GNAO1: variants seen among roughly 807,000 people sequenced by gnomAD.
GNAO1 encodes the protein G protein subunit alpha o1.
For missense variants in GNAO1, 166 were observed against 478.7 expected, an observed-to-expected ratio of 0.35 and a Z score of 6.10; for synonymous variants, 164 against 180.7, an observed-to-expected ratio of 0.91 and a Z score of 0.74.
At chr16:56,228,172 T>G (rs2036550920) in intron 2 of GNAO1, among the ~76,000 whole-genome samples, 1 of 152,192 alleles carries the variant, frequency 6.6e-6, no homozygotes, top group African/African-American at 2.4e-5. Context: ...TGCATCCATC[T>G]GCCTCCGTCT....
chr16:56,257,820 G>C (rs968448334), intron 2 of GNAO1, among the ~76,000 whole-genome samples: 4 of 152,226 alleles, frequency 2.6e-5, no homozygotes, highest in Non-Finnish European at 5.9e-5. Flanking sequence ...AACAGGGCCA[G>C]CAGGCTGGTA....
At chr16:56,278,212 G>T (rs576466769) in intron 3 of GNAO1, among the ~76,000 whole-genome samples, 16 of 152,312 alleles carry the variant, frequency 1.1e-4, no homozygotes, top group Middle Eastern at 3.4e-3. Flanking sequence ...GGACTCCCTG[G>T]AGAGTCCACT....
At chr16:56,280,603 A>G (rs1394772573) in intron 3 of GNAO1, among the ~76,000 whole-genome samples, 1 of 152,014 alleles carries the variant, frequency 6.6e-6, no homozygotes, top group East Asian at 1.9e-4. Context: ...TGGCAGGGGG[A>G]GACTAAAGAT....
At chr16:56,328,201 A>G (rs2037654716) in intron 3 of GNAO1, among the ~76,000 whole-genome samples, 1 of 152,206 alleles carries the variant, frequency 6.6e-6, no homozygotes, top group Admixed American at 6.5e-5. Flanking sequence ...CTCAGCCAAG[A>G]ACATTGATTT....
chr16:56,191,573 G>C lies in GNAO1; in HGVS notation c.-663G>C, dbSNP rs1281774173. On this transcript the variant is annotated 5_prime_UTR_variant, in exon 1 of 9. Coordinates refer to ENST00000262493, the MANE Select transcript of GNAO1 (RefSeq NM_020988.3). The surrounding 1 kb of genome is among the most constrained non-coding windows in gnomAD (Gnocchi z 4.7). ...CTCCGGTAGGCTCACCGAGCGATGC[G>C]AGCTCTGGGAGACAGCGACGCCGCC... is the stretch of plus-strand genomic sequence containing the variant. 1.3e-5 allele frequency: 2 copies of C among 151,676 alleles called. No homozygotes were observed. Among genetic ancestry groups the C allele is most frequent in the African/African-American group, 4.9e-5 (2 of 41,122 alleles). The allele number at this position is 151,676 out of a possible 1,614,324, so 9.4% of individuals were successfully genotyped here. A position where few individuals can be genotyped will look rare whatever the true frequency, so the allele number is the denominator to read the frequency against.
intron 2 of GNAO1, among the ~76,000 whole-genome samples, chr16:56,261,977 G>T (rs1463914541): frequency 6.6e-6 from 1 of 152,192 alleles, no homozygotes; most frequent in South Asian, 2.1e-4. Flanking sequence ...TAGCCTAGGG[G>T]TACACTAGCT....
chr16:56,275,322 T>C (rs2037052122), intron 2 of GNAO1, among the ~76,000 whole-genome samples: 1 of 152,216 alleles, frequency 6.6e-6, no homozygotes, highest in East Asian at 1.9e-4. Context: ...TGATGTCCCC[T>C]TTATGTCTTC....
At position 56,218,134 on chromosome 16, in the gene GNAO1, C is replaced by A. The variant is rs145742332; in HGVS notation, c.161+25518C>A. On this transcript the variant is annotated intron_variant, in intron 2 of 8. Coordinates refer to ENST00000262493, the MANE Select transcript of GNAO1 (RefSeq NM_020988.3). ...AATAATTATGAAGCTGTGCCTAGCC[C>A]CAGGTGGGCGAGAGATCCTCTCAAA... is the stretch of plus-strand genomic sequence containing the variant. Among the ~76,000 whole-genome samples, 22 of 152,312 alleles carry A rather than the reference C, an allele frequency of 1.4e-4. No homozygotes were observed. In the South Asian group the frequency reaches 1.9e-3, roughly 13 times the overall value.
At chr16:56,208,615 A>G (rs1273102712) in intron 2 of GNAO1, among the ~76,000 whole-genome samples, 1 of 152,168 alleles carries the variant, frequency 6.6e-6, no homozygotes. Flanking sequence ...AATTTCTGTT[A>G]TTATAAATTC....
intron 2 of GNAO1, among the ~76,000 whole-genome samples, chr16:56,252,021 G>C (rs894106614): frequency 2.0e-5 from 3 of 152,172 alleles, no homozygotes; most frequent in Non-Finnish European, 4.4e-5. Flanking sequence ...TTTGCCTCCA[G>C]AAGGAGCTAT....
chr16:56,261,633 G>T (rs1326364572), intron 2 of GNAO1, among the ~76,000 whole-genome samples: 1 of 152,188 alleles, frequency 6.6e-6, no homozygotes, highest in Non-Finnish European at 1.5e-5. Flanking sequence ...GGAGTCGGGG[G>T]AGGAGTGGAC....
At chr16:56,332,183 C>T (rs986085543) in intron 4 of GNAO1, among the ~76,000 whole-genome samples, 3 of 152,176 alleles carry the variant, frequency 2.0e-5, no homozygotes, top group Admixed American at 6.5e-5. Flanking sequence ...CCAGAACCCT[C>T]GAGGGGCTCC....
intron 6 of GNAO1, among the ~76,000 whole-genome samples, chr16:56,342,730 G>C (rs1402649713): frequency 7.2e-5 from 11 of 152,350 alleles, no homozygotes; most frequent in African/African-American, 2.6e-4. Context: ...CACCCACAGG[G>C]TGTGCATCGA....
intron 2 of GNAO1, among the ~76,000 whole-genome samples, chr16:56,200,798 A>G (rs2036275827): frequency 6.6e-6 from 1 of 152,198 alleles, no homozygotes; most frequent in South Asian, 2.1e-4. Context: ...AGTAATGGTC[A>G]TCATATATCA....
intron 3 of GNAO1, among the ~76,000 whole-genome samples, chr16:56,286,377 C>T (rs202185292): frequency 6.6e-6 from 1 of 152,082 alleles, no homozygotes; most frequent in Non-Finnish European, 1.5e-5. Flanking sequence ...CTTATTCAAA[C>T]AAAATAAAAC....
intron 2 of GNAO1, among the ~76,000 whole-genome samples, chr16:56,194,815 C>G (rs1398317952): frequency 6.6e-6 from 1 of 152,194 alleles, no homozygotes; most frequent in African/African-American, 2.4e-5. Flanking sequence ...TATACTGAAT[C>G]CCCCAAAGGG....
At chr16:56,275,669 G>A (rs1322213659) in intron 2 of GNAO1, among the ~76,000 whole-genome samples, 2 of 152,214 alleles carry the variant, frequency 1.3e-5, no homozygotes, top group African/African-American at 4.8e-5. Flanking sequence ...GTACTTTCAA[G>A]TATTATCACA....
intron 2 of GNAO1, chr16:56,235,443 C>T: frequency 1.3e-5 from 6 of 455,504 alleles, no homozygotes; most frequent in South Asian, 9.3e-5. Flanking sequence ...AGGCAAGGGG[C>T]TCTGCTGCTG....
chr16:56,342,154 G>T (rs2037811816), intron 6 of GNAO1, among the ~76,000 whole-genome samples: 1 of 152,210 alleles, frequency 6.6e-6, no homozygotes. Flanking sequence ...AGTGACCCGG[G>T]CTTGTGGCCT....
Sources: allele counts gnomAD v4.1 joint callset (sites outside exome capture counted in the v4.1 genomes callset), GRCh38; gene constraint gnomAD v4.1.1; non-coding constraint Gnocchi (gnomAD v3.1); transcripts MANE v1.5; gene names NCBI Gene and HGNC (gene_info 2026-07-23, HGNC 2026-07-21).